Variants in PHLPP1 observed in about 807,000 individuals in gnomAD.
The protein encoded by PHLPP1 is PH domain and leucine rich repeat protein phosphatase 1.
PHLPP1 carries 42 observed loss-of-function variants against 117.2 expected under a neutral mutation model. The ratio of observed to expected loss-of-function variants is 0.36; its 90% CI spans 0.28 to 0.46. The LOEUF (loss-of-function observed/expected upper bound fraction) is 0.46, where lower values mean the gene tolerates loss of function less well. Ranked by LOEUF, PHLPP1 falls within the 20% of genes least tolerant of loss-of-function variation. The pLI, the probability that PHLPP1 is intolerant of heterozygous loss-of-function variation, is 1.00. For missense variants in PHLPP1, 2,084 were observed against 2,241.9 expected (o/e 0.93, Z 1.42); for synonymous variants, 1,042 against 970.7 (o/e 1.07, Z -1.37).
chr18:62,766,104 A>ATATATATATATATATATATATATATATAT (rs1289379653), intron 1 of PHLPP1, among the ~76,000 whole-genome samples: 1 of 40,986 alleles, frequency 2.4e-5, no homozygotes, highest in Admixed American at 2.8e-4. Context: ...TATATATATA[A>ATATATATATATATATATATATATATATAT]AATATATATA....
rs1913305535 is a variant in PHLPP1 at position 62,786,978 on chromosome 18, T to C, written c.1577-43057T>C. Among the ~76,000 whole-genome samples the C allele has an allele frequency of 1.3e-5, 2 of 152,216 alleles. 1 individual carries two copies. Among genetic ancestry groups the C allele is most frequent in the Admixed American group, 1.3e-4 (2 of 15,276 alleles). On this transcript the variant is annotated intron_variant, in intron 1 of 16. Coordinates refer to ENST00000262719, the MANE Select transcript of PHLPP1 (RefSeq NM_194449.4). ...CAAATACTTTCCCCATCTTAGACTT[T>C]ATCTAGAGGCAGGGAGGTGTAGAAT...
At chr18:62,874,691 A>ACT (rs201422136) in intron 4 of PHLPP1, among the ~76,000 whole-genome samples, 7 of 127,516 alleles carry the variant, frequency 5.5e-5, no homozygotes, top group East Asian at 2.5e-4. Context: ...ACACACACAC[A>ACT]CTCTCGCTCT....
At chr18:62,761,218 G>A (rs1168188566) in intron 1 of PHLPP1, among the ~76,000 whole-genome samples, 1 of 152,112 alleles carries the variant, frequency 6.6e-6, no homozygotes, top group African/African-American at 2.4e-5. Context: ...TCTGGAGATC[G>A]ACAAATCTTG....
chr18:62,746,891 C>G (rs1433000997), intron 1 of PHLPP1, among the ~76,000 whole-genome samples: 1 of 151,916 alleles, frequency 6.6e-6, no homozygotes, highest in African/African-American at 2.4e-5. Context: ...GACCTGGTAG[C>G]CTTTAAACTA....
intron 1 of PHLPP1, among the ~76,000 whole-genome samples, chr18:62,775,738 T>C (rs1177104590): frequency 6.6e-6 from 1 of 152,198 alleles, no homozygotes; most frequent in Non-Finnish European, 1.5e-5. Flanking sequence ...TTGAAGTATA[T>C]AATTAGATCA....
At chr18:62,758,495 G>A (rs1445908129) in intron 1 of PHLPP1, among the ~76,000 whole-genome samples, 1 of 151,966 alleles carries the variant, frequency 6.6e-6, no homozygotes, top group African/African-American at 2.4e-5. Flanking sequence ...TTATTTCTTT[G>A]TGCATCTTTG....
In PHLPP1 at chr18:62,972,716, T is replaced by TCAGAGTTC; in HGVS notation, c.3755+10_3755+17dup. Reference sequence around the variant, plus strand: ...ATTCATTGTCATGCAAAGGTAAAACTCAGAGTTCCTGCTTACCTGCTGTGT... The same window carrying TCAGAGTTC: ...ATTCATTGTCATGCAAAGGTAAAACTCAGAGTTCCAGAGTTCCTGCTTACCTGCTGTGT... On this transcript the variant is annotated intron_variant, in intron 15 of 16. Transcript: ENST00000262719. 1 of 1,596,976 alleles carries TCAGAGTTC rather than the reference T, an allele frequency of 6.3e-7. No homozygotes were observed. The highest frequency in any genetic ancestry group is 1.1e-5 in the South Asian group (1 of 90,360).
intron 9 of PHLPP1, among the ~76,000 whole-genome samples, chr18:62,916,935 G>C (rs189476365): frequency 3.2e-4 from 48 of 149,878 alleles, no homozygotes; most frequent in African/African-American, 1.1e-3. Context: ...TGTATTTTTA[G>C]TAGAGACGGG....
intron 4 of PHLPP1, among the ~76,000 whole-genome samples, chr18:62,885,349 G>A (rs551191448): frequency 1.3e-5 from 2 of 152,190 alleles, no homozygotes; most frequent in South Asian, 2.1e-4. Context: ...TTGTTGAACC[G>A]TGGTTTACTT....
At chr18:62,961,102 GC>G (rs1384911098) in intron 13 of PHLPP1, among the ~76,000 whole-genome samples, 2 of 152,124 alleles carry the variant, frequency 1.3e-5, no homozygotes, top group Admixed American at 6.5e-5. Flanking sequence ...TTTGCAACCA[GC>G]CTGACCAACA....
At chr18:62,962,058 C>G (rs1462612215) in intron 13 of PHLPP1, among the ~76,000 whole-genome samples, 2 of 152,140 alleles carry the variant, frequency 1.3e-5, no homozygotes, top group Non-Finnish European at 2.9e-5. Context: ...ATGACCAGAA[C>G]TATGTAGGTG....
chr18:62,929,038 A>G (rs1281315023), intron 10 of PHLPP1, among the ~76,000 whole-genome samples: 2 of 152,198 alleles, frequency 1.3e-5, no homozygotes, highest in African/African-American at 4.8e-5. Context: ...GGAATGATGA[A>G]ACTGTTGTGG....
intron 8 of PHLPP1, 137 bp downstream of exon 8, chr18:62,905,421 A>G: frequency 2.4e-6 from 1 of 422,010 alleles, no homozygotes; most frequent in Non-Finnish European, 4.2e-6. Flanking sequence ...TTTATTCTCT[A>G]AAATTATATA....
At chr18:62,755,321 A>G (rs1460963873) in intron 1 of PHLPP1, among the ~76,000 whole-genome samples, 1 of 152,146 alleles carries the variant, frequency 6.6e-6, no homozygotes, top group Middle Eastern at 3.2e-3. Context: ...GGTTCTTACC[A>G]ATACCAGTTT....
chr18:62,917,112 T>C (rs1316412832), intron 9 of PHLPP1, among the ~76,000 whole-genome samples: 2 of 150,680 alleles, frequency 1.3e-5, no homozygotes, highest in Non-Finnish European at 3.0e-5. Flanking sequence ...AGATAGCACA[T>C]TGGCATCCAA....
At chr18:62,777,934 A>G (rs1288649183) in intron 1 of PHLPP1, among the ~76,000 whole-genome samples, 1 of 152,170 alleles carries the variant, frequency 6.6e-6, no homozygotes, top group Non-Finnish European at 1.5e-5. Context: ...TACTCCAATC[A>G]TTCGTGTTAC....
chr18:62,876,615 A>G (rs1006879463), intron 4 of PHLPP1, among the ~76,000 whole-genome samples: 1 of 152,234 alleles, frequency 6.6e-6, no homozygotes, highest in Admixed American at 6.5e-5. Context: ...ATAAAACTTT[A>G]GGAAGAGAAC....
chr18:62,934,515 C>T (rs1909910081), intron 10 of PHLPP1, among the ~76,000 whole-genome samples: 1 of 152,102 alleles, frequency 6.6e-6, no homozygotes, highest in South Asian at 2.1e-4. Context: ...GGGGGCTAAA[C>T]AGTGTATACA....
chr18:62,722,902 A>G (rs894363313), intron 1 of PHLPP1, among the ~76,000 whole-genome samples: 3 of 152,232 alleles, frequency 2.0e-5, no homozygotes, highest in East Asian at 1.9e-4. Context: ...ATCAAGCATA[A>G]TAACAGTTAC....
Sources: gnomAD v4.1 joint callset for allele counts (sites outside exome capture counted in the v4.1 genomes callset) on GRCh38, gnomAD v4.1.1 for gene constraint, MANE v1.5 for transcripts, NCBI Gene and HGNC (gene_info 2026-07-23, HGNC 2026-07-21) for gene names.